Variants in TPM2 observed in about 807,000 individuals in gnomAD.
TPM2 encodes the protein tropomyosin 2.
TPM2 carries 26 observed loss-of-function variants against 41.0 expected under a neutral mutation model. That is an observed-to-expected ratio of 0.63 (90% CI 0.46 to 0.88). The LOEUF (loss-of-function observed/expected upper bound fraction) is 0.88, where lower values mean the gene tolerates loss of function less well. Ranked by LOEUF, TPM2 falls within the 40% of genes least tolerant of loss-of-function variation. The pLI is 0.00. For missense variants in TPM2, 187 were observed against 355.2 expected (o/e 0.53, Z 3.81); for synonymous variants, 143 against 139.3 (o/e 1.03, Z -0.19).
chr9:35,686,263 A>C, intron 2 of TPM2: 1 of 238,684 alleles, frequency 4.2e-6, no homozygotes. Context: ...AAAAACAAAA[A>C]AATACATGCA....
intron 2 of TPM2, among the ~76,000 whole-genome samples, chr9:35,688,543 G>C (rs1482062165): frequency 6.6e-6 from 1 of 152,170 alleles, no homozygotes; most frequent in African/African-American, 2.4e-5. Flanking sequence ...TGGCATTTGT[G>C]GCCCTGTCCC....
At chr9:35,682,156 C>T, downstream of TPM2, 2 of 1,614,118 alleles carry the variant, frequency 1.2e-6, no homozygotes, top group Non-Finnish European at 1.7e-6. Context: ...TGGCACTGGC[C>T]AAGGTCTCTG....
intron 8 of TPM2, among the ~76,000 whole-genome samples, chr9:35,683,502 G>A (rs765712599): frequency 3.9e-5 from 6 of 152,202 alleles, no homozygotes; most frequent in Admixed American, 6.5e-5. Context: ...AGGGAGCTGT[G>A]TGTACAATGC....
chr9:35,682,575 C>G (rs1003702202), downstream of TPM2: 250 of 1,245,504 alleles, frequency 2.0e-4, no homozygotes, highest in Non-Finnish European at 2.4e-4. Context: ...TTTTTCCAAG[C>G]TCCATTCCAG....
At chr9:35,683,518 A>AG (rs1824700003) in intron 8 of TPM2, among the ~76,000 whole-genome samples, 1 of 152,124 alleles carries the variant, frequency 6.6e-6, no homozygotes, top group Non-Finnish European at 1.5e-5. Flanking sequence ...AATGCTCTCG[A>AG]CAAGCAGGAG....
rs1824667185 is a variant in TPM2, at chr9:35,683,102, G to A, written c.*57C>T. On this transcript the variant is annotated 3_prime_UTR_variant, in exon 9 of 9. Coordinates refer to ENST00000645482, the MANE Select transcript of TPM2 (RefSeq NM_003289.4). ...CCTCCTGCCTGCTCCCCTCCCCATA[G>A]AGAGAATGGAAAGGAGAGGAGAGAA... is the stretch of plus-strand genomic sequence containing the variant. 5.8e-6 allele frequency: 9 copies of A among 1,551,726 alleles called. No individual in the cohort carries two copies. The Admixed American group carries it at 1.8e-4, about 30-fold the overall frequency.
Position 35,685,161 on chromosome 9 carries a change from C to G in TPM2, c.563+108G>C, listed in dbSNP as rs951076433. The G allele has an allele frequency of 1.2e-5, 20 of 1,613,996 alleles. No individual in the cohort carries two copies. The highest frequency in any genetic ancestry group is 1.7e-5 in the Non-Finnish European group (20 of 1,180,008). On this transcript the variant is annotated intron_variant, in intron 5 of 8. Coordinates refer to ENST00000645482, the MANE Select transcript of TPM2 (RefSeq NM_003289.4). This position sits in a 1 kb window ranked among gnomAD's most constrained non-coding sequence, Gnocchi z 5.0. ...TCGGCTGGGGGCAGCGGGCAGGGGTCAGAGAACAGGGCCTGTCCCTACAGC... is the reference window on the plus strand; with the variant it reads ...TCGGCTGGGGGCAGCGGGCAGGGGTGAGAGAACAGGGCCTGTCCCTACAGC...
At chr9:35,682,572 A>C, downstream of TPM2, 1 of 1,237,226 alleles carries the variant, frequency 8.1e-7, no homozygotes, top group Non-Finnish European at 1.0e-6. Context: ...ACATTTTTCC[A>C]AGCTCCATTC....
chr9:35,685,413 G>C lies in TPM2; in HGVS notation c.492+21C>G, dbSNP rs777400529. 1.2e-6 allele frequency: 2 copies of C among 1,614,198 alleles called. No individual in the cohort carries two copies. Among genetic ancestry groups the C allele is most frequent in the Non-Finnish European group, 1.7e-6 (2 of 1,179,996 alleles). On this transcript the variant is annotated intron_variant, in intron 4 of 8. Coordinates refer to ENST00000645482, the MANE Select transcript of TPM2 (RefSeq NM_003289.4). The surrounding 1 kb of genome is among the most constrained non-coding windows in gnomAD (Gnocchi z 5.0). Reference sequence around the variant, plus strand: ...ATGTTGCAGGCTGGGCAGCGAGCAGGCAGAGGGGCAAGGCTGTCACCTCTT... The same window carrying C: ...ATGTTGCAGGCTGGGCAGCGAGCAGCCAGAGGGGCAAGGCTGTCACCTCTT...
At chr9:35,682,153 G>A (rs765069914), downstream of TPM2, 10 of 1,614,166 alleles carry the variant, frequency 6.2e-6, no homozygotes, top group Non-Finnish European at 8.5e-6. Context: ...CCTTGGCACT[G>A]GCCAAGGTCT....
intron 1 of TPM2, 165 bp from the exon 2 acceptor site, chr9:35,689,436 G>A (rs1396819432): frequency 8.3e-6 from 8 of 969,260 alleles, no homozygotes; most frequent in Middle Eastern, 5.2e-4. Flanking sequence ...ACCCGTTGAG[G>A]GTACAGAGAA....
In TPM2 at chr9:35,685,787, G is replaced by T. The variant is rs759898332; in HGVS notation, c.241-7C>A. 3.0e-5 allele frequency: 49 copies of T among 1,613,976 alleles called. No homozygotes were observed. The highest frequency in any genetic ancestry group is 4.2e-5 in the Non-Finnish European group (49 of 1,180,052). On this transcript the variant is annotated splice_region_variant and splice_polypyrimidine_tract_variant and intron_variant, in intron 2 of 8. Transcript: ENST00000645482. This position sits in a 1 kb window ranked among gnomAD's most constrained non-coding sequence, Gnocchi z 5.0. ...AGGCCACATCTGCCTCAGCCTGTGG[G>T]TCAGAGGTCAGGGGTCAAAAAGGCC...
At chr9:35,684,020 C>T in intron 8 of TPM2, 1 of 570,510 alleles carries the variant, frequency 1.8e-6, no homozygotes, top group Admixed American at 2.9e-5. Context: ...TTAAAACTCT[C>T]CCAGTGATTC....
chr9:35,682,818 TG>T (rs1824648795), downstream of TPM2: 1 of 1,380,870 alleles, frequency 7.2e-7, no homozygotes, highest in African/African-American at 1.5e-5. Flanking sequence ...GTTTTGTGGG[TG>T]GGCTCAGTGC....
Position 35,683,247 on chromosome 9 carries a change from G to GT in TPM2, c.773-7_773-6insA. 1 of 1,552,672 alleles carries GT rather than the reference G, an allele frequency of 6.4e-7. No individual in the cohort carries two copies. The highest frequency in any genetic ancestry group is 8.7e-7 in the Non-Finnish European group (1 of 1,146,694). On this transcript the variant is annotated splice_polypyrimidine_tract_variant and splice_region_variant and intron_variant, in intron 8 of 8. Coordinates refer to ENST00000645482, the MANE Select transcript of TPM2 (RefSeq NM_003289.4). ...CTTCTGGGCATAGACTTCATCTGGG[G>GT]GGGGTCCAGGGAGGGGACCAGGTGG...
chr9:35,686,780 G>C (rs751923248), intron 2 of TPM2, among the ~76,000 whole-genome samples: 4 of 152,206 alleles, frequency 2.6e-5, no homozygotes, highest in Non-Finnish European at 4.4e-5. Context: ...AAGGCCAGCA[G>C]AGAGCTGGGG....
intron 8 of TPM2, 152 bp downstream of exon 8, chr9:35,684,094 A>C: frequency 1.3e-6 from 1 of 751,836 alleles, no homozygotes; most frequent in Admixed American, 2.1e-5. Context: ...CAATTACTTG[A>C]ATTGTAGACA....
rs1029413875 is a variant in TPM2 at position 35,685,915 on chromosome 9, C to T, written c.241-135G>A. On this transcript the variant is annotated intron_variant, in intron 2 of 8. Transcript: ENST00000645482. This position sits in a 1 kb window ranked among gnomAD's most constrained non-coding sequence, Gnocchi z 5.0. ...TTTCTAGACATTCTATGTGATTTTTCCCCAACCAATCATCTTCTGCCCAGA... is the reference window on the plus strand; with the variant it reads ...TTTCTAGACATTCTATGTGATTTTTTCCCAACCAATCATCTTCTGCCCAGA... 22 of 1,445,516 alleles carry T rather than the reference C, an allele frequency of 1.5e-5. No homozygotes were observed. The highest frequency in any genetic ancestry group is 2.1e-5 in the Non-Finnish European group (22 of 1,050,368). 89.5% of individuals were successfully genotyped at this position (1,445,516 alleles called of 1,614,324 possible). A position where few individuals can be genotyped will look rare whatever the true frequency, so the allele number is the denominator to read the frequency against.
At chr9:35,689,483 TGCAAAG>T in intron 1 of TPM2, 1 of 880,608 alleles carries the variant, frequency 1.1e-6, no homozygotes. Flanking sequence ...AACCGCGCTC[TGCAAAG>T]GCAGAGTGGA....
Sources: gnomAD v4.1 joint callset for allele counts (sites outside exome capture counted in the v4.1 genomes callset) on GRCh38, gnomAD v4.1.1 for gene constraint, Gnocchi (gnomAD v3.1) non-coding constraint, MANE v1.5 for transcripts, NCBI Gene and HGNC (gene_info 2026-07-23, HGNC 2026-07-21) for gene names.